LRBA: variants seen among roughly 807,000 people sequenced by gnomAD.
LRBA encodes the protein LPS responsive beige-like anchor protein, also known as lipopolysaccharide-responsive and beige-like anchor protein.
Under a neutral mutation model 330.0 loss-of-function variants are expected in LRBA, and 176 were observed. The ratio of observed to expected loss-of-function variants is 0.53; its 90% CI spans 0.47 to 0.60. LRBA has a LOEUF of 0.60. Ranked by LOEUF, LRBA falls within the 20% of genes least tolerant of loss-of-function variation. The probability of loss-of-function intolerance (pLI) is 0.00; values close to 1 mark genes in which losing one functional copy is unlikely to be tolerated. For missense variants in LRBA, 3,259 were observed against 3,444.8 expected (o/e 0.95, Z 1.35); for synonymous variants, 1,230 against 1,193.0 (o/e 1.03, Z -0.64).
intron 2 of LRBA, among the ~76,000 whole-genome samples, chr4:151,010,755 G>T (rs775650896): frequency 6.6e-6 from 1 of 151,890 alleles, no homozygotes; most frequent in African/African-American, 2.4e-5. Context: ...ATGGTGGTGC[G>T]TGCCTGTAGA....
intron 38 of LRBA, among the ~76,000 whole-genome samples, chr4:150,593,115 A>C (rs763369414): frequency 1.4e-4 from 22 of 152,144 alleles, no homozygotes; most frequent in South Asian, 4.1e-4. Flanking sequence ...CATTATTAAA[A>C]ATATATTGGC....
At chr4:150,630,470 T>C (rs1433641054) in intron 37 of LRBA, among the ~76,000 whole-genome samples, 2 of 147,628 alleles carry the variant, frequency 1.4e-5, no homozygotes, top group Non-Finnish European at 3.0e-5. Flanking sequence ...ATAGTTTAAT[T>C]CTGGCATCCT....
intron 37 of LRBA, among the ~76,000 whole-genome samples, chr4:150,602,236 AT>A (rs1774194523): frequency 1.3e-5 from 2 of 152,144 alleles, no homozygotes; most frequent in Non-Finnish European, 2.9e-5. Flanking sequence ...ATTTCAATAT[AT>A]TTTTTGAGAG....
At chr4:150,855,983 G>C (rs1751178786) in intron 22 of LRBA, among the ~76,000 whole-genome samples, 1 of 152,146 alleles carries the variant, frequency 6.6e-6, no homozygotes, top group Admixed American at 6.5e-5. Context: ...CAAGTCATTA[G>C]GAAATACAGG....
At chr4:150,897,716 T>C (rs778447461) in intron 15 of LRBA, 23 bp downstream of exon 15, 17 of 1,517,420 alleles carry the variant, frequency 1.1e-5, no homozygotes, top group East Asian at 2.3e-5. Context: ...CGGTATGCTA[T>C]GGAATAAGCA....
At chr4:150,813,579 C>A (rs1256148918) in intron 31 of LRBA, among the ~76,000 whole-genome samples, 2 of 152,008 alleles carry the variant, frequency 1.3e-5, no homozygotes, top group Non-Finnish European at 2.9e-5. Flanking sequence ...ATAATATTTT[C>A]ATAGAAAAAG....
chr4:150,827,351 C>G (rs1219066778), intron 30 of LRBA, among the ~76,000 whole-genome samples: 2 of 152,040 alleles, frequency 1.3e-5, no homozygotes, highest in Admixed American at 6.6e-5. Context: ...AATAAAAAAG[C>G]AAAAAGGTCA....
intron 47 of LRBA, among the ~76,000 whole-genome samples, chr4:150,359,823 A>G (rs527940258): frequency 2.0e-5 from 3 of 152,146 alleles, no homozygotes; most frequent in Admixed American, 2.0e-4. Context: ...TACTAAAAAT[A>G]CAAAAAATTA....
intron 34 of LRBA, among the ~76,000 whole-genome samples, chr4:150,794,649 ATATTTCCCAAAACAGCAACAATC>A (rs1740477037): frequency 6.6e-6 from 1 of 152,100 alleles, no homozygotes; most frequent in East Asian, 1.9e-4. Flanking sequence ...TGTAAAGAAA[ATATTTCCCAAAACAGCAACAATC>A]TACATATTTT....
At chr4:150,441,977 A>G (rs1156675577) in intron 44 of LRBA, among the ~76,000 whole-genome samples, 1 of 152,198 alleles carries the variant, frequency 6.6e-6, no homozygotes, top group East Asian at 1.9e-4. Context: ...GTGCTTATAT[A>G]CCATAACTAT....
intron 32 of LRBA, 42 bp from the exon 33 acceptor site, chr4:150,806,446 T>G (rs1420752506): frequency 1.5e-6 from 2 of 1,361,354 alleles, no homozygotes; most frequent in African/African-American, 3.0e-5. Context: ...TTCAACAGAT[T>G]GTATCAATTT....
At chr4:150,990,664 A>G (rs1741971777) in intron 2 of LRBA, among the ~76,000 whole-genome samples, 2 of 152,186 alleles carry the variant, frequency 1.3e-5, no homozygotes, top group African/African-American at 4.8e-5. Context: ...TGAGCCCAGG[A>G]GGTTGAGGCT....
intron 40 of LRBA, among the ~76,000 whole-genome samples, chr4:150,496,587 GAA>G (rs962821778): frequency 2.6e-5 from 4 of 151,812 alleles, no homozygotes; most frequent in African/African-American, 9.7e-5. Flanking sequence ...TCAAAAAAAA[GAA>G]ATACTTACAT....
At chr4:150,590,112 A>G (rs898000089) in intron 39 of LRBA, among the ~76,000 whole-genome samples, 1 of 152,216 alleles carries the variant, frequency 6.6e-6, no homozygotes, top group Non-Finnish European at 1.5e-5. Flanking sequence ...CACAGGTATT[A>G]AAGTAAAAAA....
At chr4:150,302,824 C>T (rs1404615057) in intron 52 of LRBA, 32 bp from the exon 53 acceptor site, 4 of 1,507,864 alleles carry the variant, frequency 2.7e-6, no homozygotes, top group South Asian at 1.4e-5. Flanking sequence ...TTTAAAAATG[C>T]TATTAAAAAA....
In LRBA at chr4:150,735,051, G is replaced by A. The variant is rs2290290; in HGVS notation, c.5754+207C>T. 1.4e-3 allele frequency among the ~76,000 whole-genome samples: 211 copies of A among 152,276 alleles called. 3 individuals carry two copies. The East Asian group carries it at 0.038, about 28-fold the overall frequency. On this transcript the variant is annotated intron_variant, in intron 36 of 56. Transcript: ENST00000651943. ...AAGAAGCTTCTCTGATCAAGCTTCT[G>A]TGGTAGCTCAACTACAATTGAGACA...
At chr4:151,003,568 C>T (rs1743656185) in intron 2 of LRBA, among the ~76,000 whole-genome samples, 2 of 151,924 alleles carry the variant, frequency 1.3e-5, no homozygotes. Context: ...AAAAACAGAG[C>T]GCATAACCAG....
chr4:150,976,793 C>A (rs1270496993), intron 2 of LRBA, among the ~76,000 whole-genome samples: 1 of 152,158 alleles, frequency 6.6e-6, no homozygotes, highest in African/African-American at 2.4e-5. Context: ...TCATGGAGCA[C>A]CTACGCGCCT....
intron 47 of LRBA, among the ~76,000 whole-genome samples, chr4:150,376,874 T>C (rs996483037): frequency 5.9e-5 from 9 of 152,088 alleles, no homozygotes; most frequent in African/African-American, 1.7e-4. Flanking sequence ...AGATGAGACC[T>C]TGGCTCCTCT....
Sources: gnomAD v4.1 joint callset for allele counts (sites outside exome capture counted in the v4.1 genomes callset) on GRCh38, gnomAD v4.1.1 for gene constraint, MANE v1.5 for transcripts, NCBI Gene and HGNC (gene_info 2026-07-23, HGNC 2026-07-21) for gene names.